ZNF407: variants seen among roughly 807,000 people sequenced by gnomAD.
The protein encoded by ZNF407 is zinc finger protein 407.
Under a neutral mutation model 131.2 loss-of-function variants are expected in ZNF407, and 17 were observed. The observed-to-expected ratio is 0.13, with a 90% CI of 0.09 to 0.19. ZNF407 has a LOEUF of 0.19. ZNF407 is among the 10% of genes least tolerant of loss of function. The pLI is 1.00. For synonymous variants in ZNF407, 1,156 were observed against 1,062.0 expected (o/e 1.09, Z -1.72); for missense variants, 2,681 against 2,830.6 (o/e 0.95, Z 1.20).
chr18:74,835,860 A>G (rs1016663963), intron 4 of ZNF407, among the ~76,000 whole-genome samples: 1 of 152,200 alleles, frequency 6.6e-6, no homozygotes, highest in Non-Finnish European at 1.5e-5. Context: ...TCTAGGAGAC[A>G]AGTGAGATCA....
intron 8 of ZNF407, among the ~76,000 whole-genome samples, chr18:75,043,281 C>A (rs1288297294): frequency 1.3e-5 from 2 of 152,178 alleles, no homozygotes; most frequent in African/African-American, 4.8e-5. Flanking sequence ...TACCAAGCAT[C>A]TTTTCATGTA....
chr18:74,849,188 C>G (rs1462860399), intron 4 of ZNF407, among the ~76,000 whole-genome samples: 1 of 151,708 alleles, frequency 6.6e-6, no homozygotes, highest in Admixed American at 6.6e-5. Context: ...AAGCAATTCT[C>G]CTGCCTCAGC....
chr18:74,823,635 A>C (rs745568813), intron 4 of ZNF407, among the ~76,000 whole-genome samples: 1 of 152,254 alleles, frequency 6.6e-6, no homozygotes, highest in Non-Finnish European at 1.5e-5. Flanking sequence ...ATAATGGTAA[A>C]GGTATCAATG....
At chr18:74,769,590 A>G (rs1170870083) in intron 3 of ZNF407, among the ~76,000 whole-genome samples, 1 of 152,234 alleles carries the variant, frequency 6.6e-6, no homozygotes, top group Admixed American at 6.5e-5. Context: ...AGTTGTTTAC[A>G]AAATTCATTG....
rs1222811590 is a variant in ZNF407 at position 75,064,430 on chromosome 18, C to T, written c.6709C>T (p.Gln2237Ter). The change falls in exon 9 of 9, where the codon CAG (glutamine) becomes TAG (stop). Residue 2237 changes from glutamine (Q) to a stop codon, truncating the protein, a stop_gained. Coordinates refer to ENST00000299687, the MANE Select transcript of ZNF407 (RefSeq NM_017757.3). LOFTEE classifies it high-confidence loss of function. The part of the protein sequence containing the change: ...QEGSSAAAAI[Q>*]SQRESSELQE... ...GGGCTCCTCGGCCGCGGCGGCAATT[C>T]AGAGCCAAAGAGAAAGCAGCGAACT... 6.6e-7 allele frequency: 1 copy of T among 1,517,182 alleles called. No homozygotes were observed. The highest frequency in any genetic ancestry group is 8.8e-7 in the Non-Finnish European group (1 of 1,131,802). 94.0% of individuals were successfully genotyped at this position (1,517,182 alleles called of 1,614,324 possible).
intron 1 of ZNF407, among the ~76,000 whole-genome samples, chr18:74,602,049 T>A (rs1196112628): frequency 6.6e-6 from 1 of 152,254 alleles, no homozygotes; most frequent in Non-Finnish European, 1.5e-5. Context: ...AAAGGCTTTT[T>A]GTTCTTATCA....
Position 74,989,552 on chromosome 18 carries a change from C to A in ZNF407, c.5428+68860C>A, listed in dbSNP as rs547781448. ...CTTAGCATTTTAGATATTGGAATTA[C>A]ATTTCTTGGCTGGGGGCGGTGGCTC... On this transcript the variant is annotated intron_variant, in intron 8 of 8. Coordinates refer to ENST00000299687, the MANE Select transcript of ZNF407 (RefSeq NM_017757.3). Among the ~76,000 whole-genome samples the A allele has an allele frequency of 3.4e-3, 525 of 152,254 alleles. 1 individual carries two copies. Among genetic ancestry groups the A allele is most frequent in the Non-Finnish European group, 6.0e-3 (407 of 68,018 alleles).
At chr18:74,842,428 G>A (rs1042237778) in intron 4 of ZNF407, among the ~76,000 whole-genome samples, 2 of 152,052 alleles carry the variant, frequency 1.3e-5, no homozygotes, top group Non-Finnish European at 2.9e-5. Context: ...TCCTACTACT[G>A]TGTTTAAATC....
intron 8 of ZNF407, among the ~76,000 whole-genome samples, chr18:74,961,693 C>T (rs1346492426): frequency 6.7e-6 from 1 of 150,178 alleles, no homozygotes; most frequent in East Asian, 1.9e-4. Context: ...GCATTCCAGC[C>T]TGGCGACAGA....
At chr18:75,004,575 G>C (rs1024192649) in intron 8 of ZNF407, among the ~76,000 whole-genome samples, 1 of 152,134 alleles carries the variant, frequency 6.6e-6, no homozygotes, top group Non-Finnish European at 1.5e-5. Context: ...TCTCTTGCTC[G>C]AGAGCCACCT....
At chr18:74,935,806 G>T (rs991703683) in intron 8 of ZNF407, among the ~76,000 whole-genome samples, 1 of 152,160 alleles carries the variant, frequency 6.6e-6, no homozygotes, top group Non-Finnish European at 1.5e-5. Flanking sequence ...GGCACATACA[G>T]TAAAAGCTGA....
chr18:74,676,494 T>G (rs955804230), intron 3 of ZNF407, among the ~76,000 whole-genome samples: 1 of 150,866 alleles, frequency 6.6e-6, no homozygotes, highest in Non-Finnish European at 1.5e-5. Flanking sequence ...TGGAGTGCAG[T>G]GGCGGGATCT....
intron 4 of ZNF407, among the ~76,000 whole-genome samples, chr18:74,835,627 G>T (rs1389903125): frequency 8.5e-5 from 10 of 117,436 alleles, no homozygotes; most frequent in Non-Finnish European, 1.7e-4. Flanking sequence ...TGGACAGAGG[G>T]GGGTGTGTGT....
chr18:74,599,205 T>C (rs1308540650), intron 1 of ZNF407, among the ~76,000 whole-genome samples: 2 of 152,238 alleles, frequency 1.3e-5, no homozygotes, highest in African/African-American at 4.8e-5. Flanking sequence ...AGACTCACTT[T>C]GCTATATACA....
At chr18:74,663,088 A>C (rs1170294592) in intron 3 of ZNF407, among the ~76,000 whole-genome samples, 1 of 152,214 alleles carries the variant, frequency 6.6e-6, no homozygotes, top group Non-Finnish European at 1.5e-5. Flanking sequence ...ACCTGTGCCC[A>C]GGAAAGCAAC....
At chr18:74,858,971 C>A (rs982410327) in intron 4 of ZNF407, among the ~76,000 whole-genome samples, 2 of 151,798 alleles carry the variant, frequency 1.3e-5, no homozygotes, top group African/African-American at 4.8e-5. Flanking sequence ...TTATTAATGG[C>A]CCCTGAGTAC....
At chr18:74,807,539 C>G (rs1970129741) in intron 4 of ZNF407, among the ~76,000 whole-genome samples, 1 of 152,118 alleles carries the variant, frequency 6.6e-6, no homozygotes. Flanking sequence ...CAGTTGTTGG[C>G]AACTGAGTAT....
intron 3 of ZNF407, among the ~76,000 whole-genome samples, chr18:74,658,319 A>G (rs1285469614): frequency 1.3e-5 from 2 of 151,968 alleles, no homozygotes; most frequent in Admixed American, 6.6e-5. Flanking sequence ...GGGTTTCACC[A>G]TGTTGGCCAG....
intron 3 of ZNF407, among the ~76,000 whole-genome samples, chr18:74,741,096 A>T (rs1051481431): frequency 9.2e-5 from 14 of 152,186 alleles, no homozygotes; most frequent in Non-Finnish European, 2.1e-4. Context: ...AGTGATTGTG[A>T]CATATAAGAT....
Sources: gnomAD v4.1 joint callset for allele counts (sites outside exome capture counted in the v4.1 genomes callset) on GRCh38, gnomAD v4.1.1 for gene constraint, MANE v1.5 for transcripts, NCBI Gene and HGNC (gene_info 2026-07-23, HGNC 2026-07-21) for gene names.